The following MADD variants were observed in gnomAD, a reference collection of about 807,000 sequenced individuals.
MADD encodes MAP kinase-activating death domain protein.
MADD carries 109 observed loss-of-function variants against 176.7 expected under a neutral mutation model. That is an observed-to-expected ratio of 0.62 (90% CI 0.53 to 0.72). MADD has a LOEUF of 0.72. MADD is among the 30% of genes least tolerant of loss of function. MADD has a pLI of 0.00. For missense variants in MADD, 1,914 were observed against 2,045.5 expected, an observed-to-expected ratio of 0.94 and a Z score of 1.24; for synonymous variants, 771 against 771.3, an observed-to-expected ratio of 1.00 and a Z score of 0.01.
rs959906691 is a variant in MADD, at chr11:47,280,074, A to G, written c.1290+995A>G. On this transcript the variant is annotated intron_variant, in intron 7 of 32. Transcript: ENST00000402192. ...CACAGAGTGAGACTCAGTCTCAAAC[A>G]AACAAAAAAATTCCTTTCTTTGAGT... Among the ~76,000 whole-genome samples the G allele has an allele frequency of 5.3e-5, 8 of 151,776 alleles. No homozygotes were observed. The South Asian group carries it at 8.3e-4, about 16-fold the overall frequency.
chr11:47,276,387 T>G (rs2049890223), intron 4 of MADD, among the ~76,000 whole-genome samples, 185 bp downstream of exon 4: 1 of 152,242 alleles, frequency 6.6e-6, no homozygotes, highest in South Asian at 2.1e-4. Flanking sequence ...ACTGGTATCA[T>G]GTGGGATGTA....
chr11:47,292,654 G>A (rs777103331), intron 19 of MADD, 58 bp downstream of exon 21: 9 of 1,556,204 alleles, frequency 5.8e-6, no homozygotes, highest in Non-Finnish European at 5.3e-6. Context: ...AACTCCCCAG[G>A]CCCAGTTGGG....
At chr11:47,289,288 C>A in intron 15 of MADD, 103 bp from the exon 17 acceptor site, 1 of 986,724 alleles carries the variant, frequency 1.0e-6, no homozygotes, top group Non-Finnish European at 1.6e-6. Flanking sequence ...CTCACCCAGC[C>A]CTTCTGAGGA....
At chr11:47,328,589 T>G in intron 31 of MADD, 69 bp from the exon 36 acceptor site, 5 of 1,609,062 alleles carry the variant, frequency 3.1e-6, no homozygotes, top group African/African-American at 1.3e-5. Context: ...CGCTGCCGCC[T>G]GGGGGAGCAT....
At chr11:47,275,129 A>G (rs2048458720) in exon 3 of MADD, 1 of 1,613,894 alleles carries the variant, frequency 6.2e-7, no homozygotes, top group Admixed American at 1.7e-5. Flanking sequence ...CTTCTGGGCA[A>G]GAAACTGGGC....
exon 26 of MADD, chr11:47,311,766 G>A (rs1286322811): frequency 3.7e-6 from 6 of 1,613,770 alleles, no homozygotes; most frequent in Admixed American, 3.3e-5. Flanking sequence ...AAGGTGAGGC[G>A]CCTAATGGGA....
At position 47,309,107 on chromosome 11, in the gene MADD, G is replaced by C. The variant is rs12287332; in HGVS notation, c.3752-174G>C. The C allele has an allele frequency of 1.2e-3, 1,967 of 1,581,818 alleles. 28 individuals carry two copies. In the African/African-American group the frequency reaches 0.023, roughly 18 times the overall value. On this transcript the variant is annotated intron_variant, in intron 23 of 32. Coordinates refer to ENST00000402192, the Ensembl canonical transcript of MADD. ...CTTGGGAGGGACTGGGCCTTACTTG[G>C]AGGCATCTGGGGCTGGTGGCAGGCA...
At chr11:47,309,078 C>T (rs2085678841) in intron 23 of MADD, 36 bp downstream of exon 26, 1 of 1,610,918 alleles carries the variant, frequency 6.2e-7, no homozygotes. Context: ...GTTCATCCCT[C>T]CTCCTTGGGA....
rs575939254 is a variant in MADD, at chr11:47,294,600, G to A, written c.3402+617G>A. ...CAGGAGAATCACTGGAACCCGGGAG[G>A]CAGAGGTTGCAGCGAGCTGAGATTG... On this transcript the variant is annotated intron_variant, in intron 20 of 32. Transcript: ENST00000402192. Among the ~76,000 whole-genome samples the A allele has an allele frequency of 9.0e-5, 13 of 145,148 alleles. No homozygotes were observed. The East Asian group carries it at 2.7e-3, about 30-fold the overall frequency.
exon 23 of MADD, chr11:47,308,608 G>A (rs1439866596): frequency 6.2e-7 from 1 of 1,613,814 alleles, no homozygotes; most frequent in Non-Finnish European, 8.5e-7. Flanking sequence ...CCCACAGCTT[G>A]AAGCCAAGCA....
intron 30 of MADD, 74 bp downstream of exon 33, chr11:47,324,651 C>T: frequency 9.9e-7 from 1 of 1,013,092 alleles, no homozygotes; most frequent in Non-Finnish European, 1.5e-6. Context: ...GCCCCCAGTA[C>T]TTCCCCAGCA....
intron 22 of MADD, among the ~76,000 whole-genome samples, chr11:47,304,182 ATTC>A (rs1183509574): frequency 6.7e-6 from 1 of 149,854 alleles, no homozygotes; most frequent in African/African-American, 2.5e-5. Flanking sequence ...ATATAGAGTC[ATTC>A]TTCTGCTTGA....
At chr11:47,286,607 GC>G in intron 15 of MADD, 73 bp downstream of exon 15, 1 of 1,113,818 alleles carries the variant, frequency 9.0e-7, no homozygotes, top group Non-Finnish European at 1.4e-6. Flanking sequence ...CATGTCAGGA[GC>G]CCTGCATCTG....
In MADD at chr11:47,328,650, G is replaced by T. The variant is rs1303127009; in HGVS notation, c.4613-8G>T. 2.5e-6 allele frequency: 4 copies of T among 1,614,112 alleles called. No individual in the cohort carries two copies. Among genetic ancestry groups the T allele is most frequent in the Non-Finnish European group, 3.4e-6 (4 of 1,180,050 alleles). On this transcript the variant is annotated splice_polypyrimidine_tract_variant and splice_region_variant and intron_variant, in intron 31 of 32. Coordinates refer to ENST00000402192, the Ensembl canonical transcript of MADD. ...TTTCTGTTTTGTCTCTTGCCCGTCC[G>T]GTTTTAGTTCCTGAAATTAAAGAAG...
At chr11:47,283,251 G>A (rs966910369) in intron 10 of MADD, among the ~76,000 whole-genome samples, 2 of 149,370 alleles carry the variant, frequency 1.3e-5, no homozygotes, top group African/African-American at 5.0e-5. Flanking sequence ...CCGCCACCAC[G>A]CCCGGCTAAT....
chr11:47,329,738 AG>A (rs1174991375), exon 33 of MADD: 1 of 154,970 alleles, frequency 6.5e-6, no homozygotes, highest in Non-Finnish European at 1.4e-5. Flanking sequence ...CTGTGACTGC[AG>A]TGGAGCGGCG....
chr11:47,274,964 A>G, exon 3 of MADD: 1 of 1,614,186 alleles, frequency 6.2e-7, no homozygotes, highest in South Asian at 1.1e-5. Flanking sequence ...GATGTGAACC[A>G]GTCTCCTCGG....
chr11:47,322,463 T>G (rs776250403), intron 27 of MADD, among the ~76,000 whole-genome samples: 3 of 152,046 alleles, frequency 2.0e-5, no homozygotes, highest in Non-Finnish European at 4.4e-5. Flanking sequence ...ATATAAAAAA[T>G]TAGCCGGGCA....
At chr11:47,327,780 GGCCAATTCTCCTCCT>G in intron 31 of MADD, 6 of 985,414 alleles carry the variant, frequency 6.1e-6, no homozygotes, top group Non-Finnish European at 6.0e-6. Context: ...AAGAAGGTAC[GGCCAATTCTCCTCCT>G]GCCTTTTCTG....
Sources: gnomAD v4.1 joint callset for allele counts (sites outside exome capture counted in the v4.1 genomes callset) on GRCh38, gnomAD v4.1.1 for gene constraint, MANE v1.5 for transcripts, NCBI Gene and HGNC (gene_info 2026-07-23, HGNC 2026-07-21) for gene names.